SLC24A2: variants seen among roughly 807,000 people sequenced by gnomAD.
SLC24A2 encodes the protein sodium/potassium/calcium exchanger 2.
Under a neutral mutation model 62.0 loss-of-function variants are expected in SLC24A2, and 36 were observed. That is an observed-to-expected ratio of 0.58 (90% confidence interval 0.44 to 0.77). SLC24A2 has a LOEUF of 0.77. SLC24A2 is among the 30% of genes least tolerant of loss of function. The pLI, the probability that SLC24A2 is intolerant of heterozygous loss-of-function variation, is 0.00. For synonymous variants in SLC24A2, 358 were observed against 294.0 expected, an observed-to-expected ratio of 1.22 and a Z score of -2.23; for missense variants, 846 against 817.9, an observed-to-expected ratio of 1.03 and a Z score of -0.42.
chr9:19,828,472 A>G, the SLC24A2 span, among the ~76,000 whole-genome samples: 1 of 152,226 alleles, frequency 6.6e-6, no homozygotes, highest in Non-Finnish European at 1.5e-5. Context: ...ATTAAGAATA[A>G]ATAAAACAAA....
At chr9:20,212,451 G>C in the SLC24A2 span, among the ~76,000 whole-genome samples, 1 of 151,766 alleles carries the variant, frequency 6.6e-6, no homozygotes, top group South Asian at 2.1e-4. Context: ...AGGAGTTTGA[G>C]ACCAGCCTGG....
the SLC24A2 span, among the ~76,000 whole-genome samples, chr9:19,980,829 T>C: frequency 3.4e-4 from 52 of 152,280 alleles, no homozygotes; most frequent in East Asian, 7.8e-3. Flanking sequence ...TGTACATTCC[T>C]AGCATGTCAT....
intron 2 of SLC24A2, among the ~76,000 whole-genome samples, chr9:19,668,529 C>G (rs1477968773): frequency 6.6e-6 from 1 of 152,206 alleles, no homozygotes; most frequent in Non-Finnish European, 1.5e-5. Context: ...AGTTCTAGTT[C>G]AAATGCTGTT....
At chr9:19,586,182 G>C (rs946580940) in intron 5 of SLC24A2, among the ~76,000 whole-genome samples, 42 of 152,116 alleles carry the variant, frequency 2.8e-4, no homozygotes, top group Admixed American at 2.8e-3. Flanking sequence ...CATAGCACCT[G>C]ATACCTATCC....
chr9:19,809,167 G>T, the SLC24A2 span, among the ~76,000 whole-genome samples: 1 of 152,010 alleles, frequency 6.6e-6, no homozygotes, highest in African/African-American at 2.4e-5. Context: ...ACGTCCACAG[G>T]AGTCATCTGG....
the SLC24A2 span, among the ~76,000 whole-genome samples, chr9:20,066,275 T>C: frequency 7.9e-5 from 12 of 152,348 alleles, no homozygotes; most frequent in African/African-American, 2.4e-4. Flanking sequence ...TCATTTCCTT[T>C]GCCTTTAGAT....
chr9:19,866,567 G>T, the SLC24A2 span, among the ~76,000 whole-genome samples: 1 of 150,896 alleles, frequency 6.6e-6, no homozygotes, highest in Non-Finnish European at 1.5e-5. Context: ...GATGAAAGTG[G>T]AGATCATTAT....
the SLC24A2 span, among the ~76,000 whole-genome samples, chr9:20,237,054 C>T: frequency 6.6e-6 from 1 of 152,048 alleles, no homozygotes; most frequent in East Asian, 1.9e-4. Flanking sequence ...GAATCGCAAA[C>T]ACCAGAGACT....
chr9:19,713,228 T>C (rs1303785228), intron 2 of SLC24A2, among the ~76,000 whole-genome samples: 4 of 152,118 alleles, frequency 2.6e-5, no homozygotes, highest in African/African-American at 2.4e-5. Context: ...ATTGCATGAA[T>C]GAAGGAAGGA....
At chr9:19,806,796 C>G in the SLC24A2 span, among the ~76,000 whole-genome samples, 1 of 152,160 alleles carries the variant, frequency 6.6e-6, no homozygotes, top group East Asian at 1.9e-4. Context: ...ACATCACAGT[C>G]ACAGCTCTCT....
At chr9:20,240,626 G>C in the SLC24A2 span, among the ~76,000 whole-genome samples, 1 of 152,098 alleles carries the variant, frequency 6.6e-6, no homozygotes, top group East Asian at 1.9e-4. Flanking sequence ...TGGCACTCAG[G>C]TTCCTTTCTT....
At chr9:19,593,666 C>T (rs1172993740) in intron 5 of SLC24A2, among the ~76,000 whole-genome samples, 1 of 152,166 alleles carries the variant, frequency 6.6e-6, no homozygotes, top group Non-Finnish European at 1.5e-5. Flanking sequence ...TCAAGCATTT[C>T]TTCCCACTCC....
chr9:19,770,587 G>A (rs1463152020), intron 2 of SLC24A2, among the ~76,000 whole-genome samples: 1 of 152,060 alleles, frequency 6.6e-6, no homozygotes, highest in African/African-American at 2.4e-5. Flanking sequence ...TATCCTACAA[G>A]ACAAGAGAAA....
the SLC24A2 span, among the ~76,000 whole-genome samples, chr9:20,235,453 G>A: frequency 3.5e-4 from 52 of 150,294 alleles, no homozygotes; most frequent in African/African-American, 1.0e-3. Flanking sequence ...CCCCAGCCTC[G>A]CTGCCACCTT....
At chr9:20,262,978 A>G in the SLC24A2 span, among the ~76,000 whole-genome samples, 876 of 152,270 alleles carry the variant, frequency 5.8e-3, 11 homozygotes, top group African/African-American at 0.02. Flanking sequence ...AATGTCAGTT[A>G]ATGTTCCCTG....
the SLC24A2 span, among the ~76,000 whole-genome samples, chr9:20,263,934 A>C: frequency 7.1e-6 from 1 of 141,198 alleles, no homozygotes; most frequent in Non-Finnish European, 1.5e-5. Context: ...GGGCAGATGC[A>C]ATCTCCTCTC....
At chr9:20,197,628 T>C in the SLC24A2 span, among the ~76,000 whole-genome samples, 1 of 151,944 alleles carries the variant, frequency 6.6e-6, no homozygotes, top group Non-Finnish European at 1.5e-5. Context: ...GACAGGGTTT[T>C]ACCGTGTTGG....
the SLC24A2 span, among the ~76,000 whole-genome samples, chr9:20,226,866 C>T: frequency 6.6e-6 from 1 of 152,174 alleles, no homozygotes; most frequent in Non-Finnish European, 1.5e-5. Flanking sequence ...AATAGAGATA[C>T]ATCCAGCCAG....
At chr9:20,270,852 T>C in the SLC24A2 span, among the ~76,000 whole-genome samples, 1 of 152,238 alleles carries the variant, frequency 6.6e-6, no homozygotes, top group Non-Finnish European at 1.5e-5. Context: ...TTAGAATATT[T>C]TTCAGAAAGC....
Sources: gnomAD v4.1 joint callset for allele counts (sites outside exome capture counted in the v4.1 genomes callset) on GRCh38, gnomAD v4.1.1 for gene constraint, MANE v1.5 for transcripts, NCBI Gene and HGNC (gene_info 2026-07-23, HGNC 2026-07-21) for gene names.